EPB41L3: variants seen among roughly 807,000 people sequenced by gnomAD.
EPB41L3 encodes the protein erythrocyte membrane protein band 4.1 like 3, also known as band 4.1-like protein 3.
Under a neutral mutation model 127.1 loss-of-function variants are expected in EPB41L3, and 57 were observed. The observed-to-expected ratio is 0.45, with a 90% CI of 0.36 to 0.56. The LOEUF (loss-of-function observed/expected upper bound fraction) is 0.56, where lower values mean the gene tolerates loss of function less well. EPB41L3 is among the 20% of genes least tolerant of loss of function. The pLI is 0.00. For missense variants in EPB41L3, 1,273 were observed against 1,372.2 expected, an observed-to-expected ratio of 0.93 and a Z score of 1.14; for synonymous variants, 572 against 549.5, an observed-to-expected ratio of 1.04 and a Z score of -0.57.
chr18:5,474,928 C>T (rs1290913832), intron 3 of EPB41L3, among the ~76,000 whole-genome samples: 1 of 152,202 alleles, frequency 6.6e-6, no homozygotes, highest in Non-Finnish European at 1.5e-5. Flanking sequence ...ACAAGGTTGA[C>T]AGCGATCATT....
intron 3 of EPB41L3, among the ~76,000 whole-genome samples, chr18:5,591,003 T>C (rs553139412): frequency 3.9e-5 from 6 of 152,140 alleles, no homozygotes; most frequent in Non-Finnish European, 7.3e-5. Context: ...ATCTCACAAA[T>C]CTGTACATAC....
At chr18:5,609,291 G>A (rs938568599) in intron 3 of EPB41L3, among the ~76,000 whole-genome samples, 14 of 152,138 alleles carry the variant, frequency 9.2e-5, no homozygotes, top group African/African-American at 3.4e-4. Context: ...TCCTAGACCA[G>A]CCTCTTTATA....
intron 22 of EPB41L3, 81 bp downstream of exon 22, chr18:5,394,596 G>C: frequency 1.0e-6 from 1 of 984,358 alleles, no homozygotes; most frequent in Non-Finnish European, 1.6e-6. Context: ...GGAAAGGAGG[G>C]ATCAGGTGAA....
At chr18:5,408,436 G>A (rs1156583326) in intron 14 of EPB41L3, among the ~76,000 whole-genome samples, 1 of 151,688 alleles carries the variant, frequency 6.6e-6, no homozygotes, top group African/African-American at 2.4e-5. Flanking sequence ...ACCATGCCTA[G>A]CTAATTTTTT....
intron 3 of EPB41L3, chr18:5,612,236 C>T (rs889094350): frequency 3.3e-5 from 5 of 152,190 alleles, no homozygotes; most frequent in African/African-American, 1.2e-4. Context: ...GAATAAAAAG[C>T]TGCCTAGCAT....
At chr18:5,589,288 A>AAC (rs972832047) in intron 3 of EPB41L3, among the ~76,000 whole-genome samples, 2 of 152,040 alleles carry the variant, frequency 1.3e-5, no homozygotes, top group Non-Finnish European at 2.9e-5. Flanking sequence ...CTCCCCAGGT[A>AAC]ACACTCCCCA....
intron 1 of EPB41L3, chr18:5,518,522 C>T (rs985934701): frequency 2.6e-5 from 4 of 152,308 alleles, no homozygotes; most frequent in African/African-American, 9.6e-5. Flanking sequence ...TTCTGTTTCT[C>T]GCCTGTGCAA....
At chr18:5,400,134 T>C (rs1003741818) in intron 16 of EPB41L3, 1 of 159,722 alleles carries the variant, frequency 6.3e-6, no homozygotes, top group African/African-American at 2.4e-5. Flanking sequence ...CATGCCATTG[T>C]GCCCGCTCCA....
intron 5 of EPB41L3, among the ~76,000 whole-genome samples, chr18:5,439,516 T>A (rs2080353765): frequency 6.6e-6 from 1 of 152,204 alleles, no homozygotes; most frequent in Admixed American, 6.5e-5. Context: ...TTATAGTTAA[T>A]TCTTAACACT....
At chr18:5,456,952 G>A (rs956206442) in intron 3 of EPB41L3, among the ~76,000 whole-genome samples, 15 of 152,204 alleles carry the variant, frequency 9.9e-5, no homozygotes, top group Non-Finnish European at 1.9e-4. Flanking sequence ...AGGGAGGCGC[G>A]CTCACTGCAG....
At chr18:5,469,641 G>C (rs1056289581) in intron 3 of EPB41L3, among the ~76,000 whole-genome samples, 2 of 152,186 alleles carry the variant, frequency 1.3e-5, no homozygotes, top group African/African-American at 4.8e-5. Flanking sequence ...ATCAAGCATA[G>C]GCGCCACCCG....
intron 8 of EPB41L3, among the ~76,000 whole-genome samples, chr18:5,429,095 AT>A (rs1404519828): frequency 6.6e-6 from 1 of 152,228 alleles, no homozygotes; most frequent in Non-Finnish European, 1.5e-5. Flanking sequence ...GAATAAAAAA[AT>A]GTAAGAATGT....
chr18:5,603,871 T>TA (rs1217563674), intron 3 of EPB41L3, among the ~76,000 whole-genome samples: 1 of 151,672 alleles, frequency 6.6e-6, no homozygotes, highest in East Asian at 1.9e-4. Flanking sequence ...GTCTCAAAAT[T>TA]AAAATTTAAA....
chr18:5,497,043 A>G (rs1376109100), intron 1 of EPB41L3, among the ~76,000 whole-genome samples: 1 of 152,232 alleles, frequency 6.6e-6, no homozygotes, highest in African/African-American at 2.4e-5. Flanking sequence ...GTGTTGAAAT[A>G]TCAAGAAGAA....
intron 3 of EPB41L3, chr18:5,463,876 T>G (rs2084472355): frequency 6.6e-6 from 1 of 152,254 alleles, no homozygotes. Context: ...ACTATGTGTA[T>G]CGGGTGCTGT....
rs760032313 is a variant in EPB41L3, at chr18:5,428,343, G to A, written c.1035C>T (p.Asn345=). The A allele has an allele frequency of 2.5e-6, 4 of 1,614,000 alleles. No individual in the cohort carries two copies. In the Admixed American group the frequency reaches 6.7e-5, roughly 27 times the overall value. ...CCGGCCGGATCTTAATGTAAAAGTT[G>A]TTCCGTTTGTATGAAATCTTTAGAA... ...PKVLKISYKR[N]NFYIKIRPGE... The change falls in exon 9 of 23, where the codon AAC becomes AAT. Residue 345 remains asparagine, a synonymous_variant. Transcript: ENST00000341928.
At chr18:5,440,276 CA>C (rs1231225989) in intron 5 of EPB41L3, among the ~76,000 whole-genome samples, 2 of 151,878 alleles carry the variant, frequency 1.3e-5, no homozygotes, top group African/African-American at 2.4e-5. Flanking sequence ...TTATAACACA[CA>C]AAAAACACAT....
rs2073638204 is a variant in EPB41L3 at position 5,397,007 on chromosome 18, T to A, written c.2841+51A>T. The A allele has an allele frequency of 1.3e-6, 2 of 1,519,316 alleles. No homozygotes were observed. The highest frequency in any genetic ancestry group is 1.8e-6 in the Non-Finnish European group (2 of 1,137,256). The allele number at this position is 1,519,316 out of a possible 1,614,324, so 94.1% of individuals were successfully genotyped here. A position where few individuals can be genotyped will look rare whatever the true frequency, so the allele number is the denominator to read the frequency against. On this transcript the variant is annotated intron_variant, in intron 18 of 22. Coordinates refer to ENST00000341928, the MANE Select transcript of EPB41L3 (RefSeq NM_012307.5). This position sits in a 1 kb window ranked among gnomAD's most constrained non-coding sequence, Gnocchi z 4.1. ...TTATGCTGATCTAAATTTCCAGGCA[T>A]CCTATATCAGTTTTATTTTAGTGAT...
intron 1 of EPB41L3, among the ~76,000 whole-genome samples, chr18:5,511,073 T>C (rs1234568231): frequency 2.0e-5 from 3 of 152,184 alleles, no homozygotes; most frequent in East Asian, 1.9e-4. Context: ...CTGGAATACC[T>C]GTTATGCAGT....
Sources: allele counts gnomAD v4.1 joint callset (sites outside exome capture counted in the v4.1 genomes callset), GRCh38; gene constraint gnomAD v4.1.1; non-coding constraint Gnocchi (gnomAD v3.1); transcripts MANE v1.5; gene names NCBI Gene and HGNC (gene_info 2026-07-23, HGNC 2026-07-21).